The following GRXCR2 variants were observed in gnomAD, a reference collection of about 807,000 sequenced individuals.
GRXCR2 encodes the protein glutaredoxin domain-containing cysteine-rich protein 2.
A neutral mutation model predicts 24.8 loss-of-function variants in GRXCR2; 23 were observed. That is an observed-to-expected ratio of 0.93 (90% CI 0.67 to 1.32). GRXCR2 has a LOEUF of 1.32. Among genes scored for constraint, GRXCR2 ranks in the 40% most tolerant of loss-of-function variants. The pLI is 0.00. For missense variants in GRXCR2, 315 were observed against 303.4 expected (o/e 1.04, Z -0.28); for synonymous variants, 130 against 116.1 (o/e 1.12, Z -0.77).
intron 2 of GRXCR2, among the ~76,000 whole-genome samples, chr5:145,923,795 C>T (rs1425282301): frequency 1.3e-5 from 2 of 152,094 alleles, no homozygotes; most frequent in East Asian, 1.9e-4. Context: ...TACTAATTTA[C>T]CTAGGTATTC....
At chr5:145,919,710 T>G (rs1757297579) in intron 2 of GRXCR2, among the ~76,000 whole-genome samples, 2 of 152,114 alleles carry the variant, frequency 1.3e-5, no homozygotes, top group Admixed American at 1.3e-4. Flanking sequence ...ATCTTTGTCA[T>G]CCGCCTTCTA....
Position 145,859,547 on chromosome 5 carries a change from A to G in GRXCR2, c.*186T>C. On this transcript the variant is annotated 3_prime_UTR_variant, in exon 3 of 3. Transcript: ENST00000377976. Reference sequence around the variant, plus strand: ...TAATTCAGAAATGCCCCTGCCACTTAGACCCACAGAGAGATGTTACCGGCC... The same window carrying G: ...TAATTCAGAAATGCCCCTGCCACTTGGACCCACAGAGAGATGTTACCGGCC... 1.6e-6 allele frequency: 1 copy of G among 612,128 alleles called. No individual in the cohort carries two copies. Among genetic ancestry groups the G allele is most frequent in the Non-Finnish European group, 3.0e-6 (1 of 338,758 alleles). The allele number at this position is 612,128 out of a possible 1,614,324, so 37.9% of individuals were successfully genotyped here.
At chr5:145,893,826 A>G (rs1236794486) in intron 2 of GRXCR2, among the ~76,000 whole-genome samples, 1 of 152,232 alleles carries the variant, frequency 6.6e-6, no homozygotes, top group Non-Finnish European at 1.5e-5. Flanking sequence ...TCAAGAGAAC[A>G]TGCATTCTTT....
chr5:145,861,564 G>C (rs986259256), intron 2 of GRXCR2, among the ~76,000 whole-genome samples: 3 of 152,100 alleles, frequency 2.0e-5, no homozygotes, highest in Non-Finnish European at 4.4e-5. Context: ...CGCATGACAG[G>C]TATCCCATAC....
At chr5:145,893,788 A>G (rs1410884327) in intron 2 of GRXCR2, among the ~76,000 whole-genome samples, 2 of 152,238 alleles carry the variant, frequency 1.3e-5, no homozygotes, top group Non-Finnish European at 2.9e-5. Context: ...CGGACCTAAC[A>G]GACATCTATA....
chr5:145,874,668 AAAC>A (rs766451764), upstream of GRXCR2, among the ~76,000 whole-genome samples: 52 of 152,234 alleles, frequency 3.4e-4, no homozygotes, highest in Non-Finnish European at 4.7e-4. Context: ...CAATAGTCCA[AAAC>A]AACAAATCCA....
chr5:145,892,863 TG>T (rs529516482), intron 2 of GRXCR2, among the ~76,000 whole-genome samples: 14 of 152,078 alleles, frequency 9.2e-5, no homozygotes, highest in African/African-American at 2.9e-4. Context: ...AAGGAAAAAA[TG>T]TTAAGGGCAG....
intron 2 of GRXCR2, among the ~76,000 whole-genome samples, chr5:145,931,659 CA>C (rs2149931939): frequency 6.6e-6 from 1 of 152,272 alleles, no homozygotes; most frequent in South Asian, 2.1e-4. Context: ...TGAATTGTCC[CA>C]AAGGTTTCTC....
chr5:145,873,156 GTGATTC>G, upstream of GRXCR2: 2 of 598,790 alleles, frequency 3.3e-6, no homozygotes, highest in Non-Finnish European at 5.9e-6. Flanking sequence ...GAAAAGGCAG[GTGATTC>G]TGGTTTGATG....
intron 2 of GRXCR2, among the ~76,000 whole-genome samples, chr5:145,924,882 A>T (rs560656117): frequency 6.6e-6 from 1 of 152,332 alleles, no homozygotes; most frequent in African/African-American, 2.4e-5. Flanking sequence ...TCAGGCAGCC[A>T]TTCTGTGAGT....
At chr5:145,867,839 A>G (rs937884112) in intron 1 of GRXCR2, among the ~76,000 whole-genome samples, 3 of 152,208 alleles carry the variant, frequency 2.0e-5, no homozygotes, top group Admixed American at 6.5e-5. Flanking sequence ...CAAGCTAGTG[A>G]TTAAAATACA....
chr5:145,913,573 T>C (rs1757194868), intron 2 of GRXCR2, among the ~76,000 whole-genome samples: 1 of 152,222 alleles, frequency 6.6e-6, no homozygotes, highest in Admixed American at 6.5e-5. Context: ...AAAAACTTAA[T>C]ACATTGCCGG....
intron 2 of GRXCR2, among the ~76,000 whole-genome samples, chr5:145,890,790 A>T (rs1756852526): frequency 6.6e-6 from 1 of 151,776 alleles, no homozygotes; most frequent in Non-Finnish European, 1.5e-5. Context: ...TTGAATGCAG[A>T]TGGTCTAAAC....
upstream of GRXCR2, among the ~76,000 whole-genome samples, chr5:145,876,191 G>GTATATA (rs748811333): frequency 0.13 from 13,516 of 104,526 alleles, 1,012 homozygotes; most frequent in Non-Finnish European, 0.16. Flanking sequence ...GTGTGTGTGT[G>GTATATA]TATATATATA....
chr5:145,904,116 T>C (rs1284171452), intron 2 of GRXCR2, among the ~76,000 whole-genome samples: 1 of 152,182 alleles, frequency 6.6e-6, no homozygotes, highest in Non-Finnish European at 1.5e-5. Context: ...TGTGTGTGAA[T>C]GTGGATCTCT....
intron 2 of GRXCR2, among the ~76,000 whole-genome samples, chr5:145,925,084 G>C (rs1318712214): frequency 6.6e-6 from 1 of 152,278 alleles, no homozygotes; most frequent in East Asian, 1.9e-4. Context: ...CATCTTCTCA[G>C]TGTGTGCTCA....
chr5:145,895,792 G>A (rs1194833383), intron 2 of GRXCR2, among the ~76,000 whole-genome samples: 8 of 151,994 alleles, frequency 5.3e-5, no homozygotes, highest in Admixed American at 2.0e-4. Flanking sequence ...TTTAAAGTTC[G>A]TATGGAACCA....
chr5:145,863,194 GC>G (rs1323912512), intron 2 of GRXCR2, among the ~76,000 whole-genome samples: 1 of 152,186 alleles, frequency 6.6e-6, no homozygotes, highest in African/African-American at 2.4e-5. Context: ...TCTCACTGCT[GC>G]CCCGTTCCAT....
intron 2 of GRXCR2, among the ~76,000 whole-genome samples, chr5:145,884,922 A>T (rs1756757211): frequency 6.6e-6 from 1 of 152,184 alleles, no homozygotes; most frequent in Non-Finnish European, 1.5e-5. Context: ...GGGATTTAGG[A>T]GATTATATTA....
Sources: gnomAD v4.1 joint callset for allele counts (sites outside exome capture counted in the v4.1 genomes callset) on GRCh38, gnomAD v4.1.1 for gene constraint, MANE v1.5 for transcripts, NCBI Gene and HGNC (gene_info 2026-07-23, HGNC 2026-07-21) for gene names.